The following IPO11 variants were observed in gnomAD, a reference collection of about 807,000 sequenced individuals.
IPO11 encodes the protein importin 11.
In IPO11, 66 loss-of-function variants were observed where a neutral mutation model predicts 143.2. The observed-to-expected ratio is 0.46, with a 90% CI of 0.38 to 0.57. The LOEUF is 0.57. Among genes scored for constraint, IPO11 ranks in the 20% least tolerant of loss-of-function variants. The pLI is 0.00. For synonymous variants in IPO11, 385 were observed against 377.8 expected (o/e 1.02, Z -0.22); for missense variants, 1,026 against 1,141.0 (o/e 0.90, Z 1.45).
intron 24 of IPO11, among the ~76,000 whole-genome samples, chr5:62,538,524 C>T (rs537652700): frequency 2.6e-5 from 4 of 152,264 alleles, no homozygotes; most frequent in African/African-American, 9.6e-5. Context: ...GGCCTCCTCC[C>T]GCTTCGCTCA....
At chr5:62,566,692 C>T (rs189549845) in intron 27 of IPO11, among the ~76,000 whole-genome samples, 6 of 148,832 alleles carry the variant, frequency 4.0e-5, no homozygotes, top group Admixed American at 2.7e-4. Context: ...GAGCCAAAAT[C>T]GTACCACTGC....
chr5:62,565,761 C>T (rs1265360913), intron 27 of IPO11, among the ~76,000 whole-genome samples: 1 of 152,030 alleles, frequency 6.6e-6, no homozygotes, highest in Non-Finnish European at 1.5e-5. Context: ...TGTCCTAATG[C>T]TCAACCTCCC....
intron 27 of IPO11, among the ~76,000 whole-genome samples, chr5:62,572,129 CT>C (rs1178025906): frequency 3.3e-5 from 5 of 152,188 alleles, no homozygotes; most frequent in African/African-American, 1.2e-4. Flanking sequence ...AAGTAATGCT[CT>C]TTTGCCTAAT....
chr5:62,506,313 G>C lies in IPO11; in HGVS notation c.1738G>C (p.Val580Leu). 6.2e-7 allele frequency: 1 copy of C among 1,609,650 alleles called. No individual in the cohort carries two copies. The highest frequency in any genetic ancestry group is 8.5e-7 in the Non-Finnish European group (1 of 1,177,244). The part of the protein sequence containing the change: ...QVTECDTKMH[V>L]LHVLSCVIER... ...TACAGAATGTGACACAAAGATGCAT[G>C]TTTTGCATGTCCTTTCTTGTGTGAT... The change falls in exon 19 of 30, where the codon GTT becomes CTT. Residue 580 changes from valine (V) to leucine (L), a missense_variant. By Grantham distance (32) the Val-to-Leu change is conservative (BLOSUM62 1). This residue lies in a region of IPO11 where 237 missense variants were observed against 288.0 expected (regional missense o/e 0.82). Transcript: ENST00000325324.
At position 62,503,411 on chromosome 5, in the gene IPO11, CTA is replaced by C. The variant is rs1302219200; in HGVS notation, c.1591-1254_1591-1253del. Among the ~76,000 whole-genome samples the C allele has an allele frequency of 8.8e-5, 13 of 147,668 alleles. No individual in the cohort carries two copies. The East Asian group carries it at 2.4e-3, about 27-fold the overall frequency. ...GTATCTATTAATATATTAATAGTAT[CTA>C]TTAATATATTAATAGTATCTATTAA... On this transcript the variant is annotated intron_variant, in intron 16 of 29. Coordinates refer to ENST00000325324, the MANE Select transcript of IPO11 (RefSeq NM_016338.5).
intron 26 of IPO11, 73 bp from the exon 27 acceptor site, chr5:62,561,063 A>G: frequency 7.5e-7 from 1 of 1,339,272 alleles, no homozygotes; most frequent in African/African-American, 1.5e-5. Context: ...ATGAGGCTTT[A>G]GCCTTTAAAA....
At chr5:62,437,451 T>C (rs1055073095) in intron 2 of IPO11, 34 bp downstream of exon 2, 7 of 1,564,986 alleles carry the variant, frequency 4.5e-6, no homozygotes, top group Non-Finnish European at 6.1e-6. Context: ...CTTTTCTTTT[T>C]AATAAAATGA....
chr5:62,510,965 T>A lies in IPO11; in HGVS notation c.1783-4423T>A, dbSNP rs533361291. Among the ~76,000 whole-genome samples, 125 of 152,240 alleles carry A rather than the reference T, an allele frequency of 8.2e-4. 2 individuals are homozygous for A. In the South Asian group the frequency reaches 8.7e-3, roughly 11 times the overall value. ...CCAGGCTGGTTTTGAACTCCTGACC[T>A]TCAAGCGATCTGCCCTCCTTGGCCT... On this transcript the variant is annotated intron_variant, in intron 19 of 29. Transcript: ENST00000325324.
intron 7 of IPO11, among the ~76,000 whole-genome samples, chr5:62,474,141 G>A (rs1745877779): frequency 6.6e-6 from 1 of 152,158 alleles, no homozygotes; most frequent in Admixed American, 6.6e-5. Flanking sequence ...AGAGTGTTTA[G>A]TGAAACAGGA....
intron 24 of IPO11, among the ~76,000 whole-genome samples, chr5:62,539,036 G>A (rs1355580912): frequency 2.0e-5 from 3 of 152,150 alleles, no homozygotes; most frequent in Non-Finnish European, 4.4e-5. Flanking sequence ...GATTATTGAA[G>A]TATTAAATTA....
intron 1 of IPO11, among the ~76,000 whole-genome samples, chr5:62,416,162 GTTTTCTTTTTTTTTC>G (rs1269982373): frequency 7.8e-5 from 11 of 141,260 alleles, no homozygotes; most frequent in African/African-American, 1.0e-4. Flanking sequence ...GTATCTTTCT[GTTTTCTTTTTTTTTC>G]TTTTCTTTTT....
intron 29 of IPO11, among the ~76,000 whole-genome samples, chr5:62,622,984 T>C (rs1000687493): frequency 1.3e-5 from 2 of 152,248 alleles, no homozygotes; most frequent in Admixed American, 1.3e-4. Context: ...CTTGTATTGC[T>C]GCGCCCTGTT....
At chr5:62,513,285 G>A (rs551888649) in intron 19 of IPO11, among the ~76,000 whole-genome samples, 27 of 134,050 alleles carry the variant, frequency 2.0e-4, no homozygotes, top group Middle Eastern at 4.0e-3. Flanking sequence ...CCTCCCTCCC[G>A]GACGGGGCGG....
intron 24 of IPO11, among the ~76,000 whole-genome samples, chr5:62,548,251 A>G (rs1443153722): frequency 1.3e-5 from 2 of 152,058 alleles, no homozygotes; most frequent in African/African-American, 4.8e-5. Context: ...TTTTTTTGGT[A>G]TAATTTTTTT....
chr5:62,460,046 A>T (rs1745301232), intron 5 of IPO11, among the ~76,000 whole-genome samples: 1 of 152,152 alleles, frequency 6.6e-6, no homozygotes, highest in South Asian at 2.1e-4. Context: ...ACTTTTTTTG[A>T]GCTATTTTAA....
intron 29 of IPO11, among the ~76,000 whole-genome samples, chr5:62,618,393 GA>G (rs1290437570): frequency 6.6e-6 from 1 of 151,632 alleles, no homozygotes; most frequent in African/African-American, 2.4e-5. Context: ...GTCAAGATGT[GA>G]AAAAAAGGAA....
intron 1 of IPO11, among the ~76,000 whole-genome samples, chr5:62,436,775 T>C (rs1366413769): frequency 6.6e-6 from 1 of 152,242 alleles, no homozygotes; most frequent in Non-Finnish European, 1.5e-5. Flanking sequence ...GCACGTAAGA[T>C]GATGTTGGAG....
intron 8 of IPO11, among the ~76,000 whole-genome samples, chr5:62,475,259 GCCTGTAA>G (rs373121706): frequency 0.011 from 1,635 of 152,200 alleles, 17 homozygotes; most frequent in South Asian, 0.034. Context: ...GTGACTCAAC[GCCTGTAA>G]CCCCAGCACT....
intron 23 of IPO11, 71 bp downstream of exon 23, chr5:62,536,852 G>T: frequency 7.5e-7 from 1 of 1,333,568 alleles, no homozygotes; most frequent in African/African-American, 1.6e-5. Context: ...GAAATCAGGG[G>T]GTACGTTTTC....
Sources: allele counts gnomAD v4.1 joint callset (sites outside exome capture counted in the v4.1 genomes callset), GRCh38; gene constraint gnomAD v4.1.1; regional missense constraint gnomAD v4.1.1; transcripts MANE v1.5; gene names NCBI Gene and HGNC (gene_info 2026-07-23, HGNC 2026-07-21).